Variants in PHLPP1 observed in about 807,000 individuals in gnomAD.
PHLPP1 encodes the protein PH domain and leucine rich repeat protein phosphatase 1.
In PHLPP1, 42 loss-of-function variants were observed where a neutral mutation model predicts 117.2. That is an observed-to-expected ratio of 0.36 (90% CI 0.28 to 0.46). The LOEUF is 0.46. Ranked by LOEUF, PHLPP1 falls within the 20% of genes least tolerant of loss-of-function variation. The pLI, the probability that PHLPP1 is intolerant of heterozygous loss-of-function variation, is 1.00. For missense variants in PHLPP1, 2,084 were observed against 2,241.9 expected (o/e 0.93, Z 1.42); for synonymous variants, 1,042 against 970.7 (o/e 1.07, Z -1.37).
intron 8 of PHLPP1, among the ~76,000 whole-genome samples, chr18:62,912,566 T>C (rs558760357): frequency 1.3e-4 from 20 of 149,400 alleles, no homozygotes; most frequent in African/African-American, 4.7e-4. Flanking sequence ...ATAGGAAGAG[T>C]ATAGGAATGG....
At chr18:62,923,304 A>G (rs1909532247) in intron 10 of PHLPP1, among the ~76,000 whole-genome samples, 1 of 152,186 alleles carries the variant, frequency 6.6e-6, no homozygotes, top group Non-Finnish European at 1.5e-5. Flanking sequence ...GAAGGGGCAA[A>G]TATCTTTGTT....
intron 3 of PHLPP1, among the ~76,000 whole-genome samples, chr18:62,852,333 A>AT (rs907123022): frequency 2.0e-5 from 3 of 151,928 alleles, no homozygotes; most frequent in Admixed American, 1.3e-4. Context: ...ATATGATGTA[A>AT]TTAATTTTTA....
chr18:62,970,518 A>C (rs510359), intron 14 of PHLPP1, among the ~76,000 whole-genome samples: 62,330 of 151,950 alleles, frequency 0.41, 13,002 homozygotes, highest in East Asian at 0.63. Flanking sequence ...TAATCCCAGC[A>C]CTTTGAGAGG....
chr18:62,901,570 C>T (rs1485288640), intron 6 of PHLPP1, among the ~76,000 whole-genome samples: 3 of 151,496 alleles, frequency 2.0e-5, no homozygotes, highest in Non-Finnish European at 4.4e-5. Context: ...CAGAAATTCA[C>T]TATAGAGAAA....
intron 1 of PHLPP1, among the ~76,000 whole-genome samples, chr18:62,734,483 A>G (rs777862263): frequency 2.6e-5 from 4 of 152,236 alleles, no homozygotes; most frequent in Non-Finnish European, 4.4e-5. Flanking sequence ...ATGACCTATT[A>G]TAAATTATTT....
intron 4 of PHLPP1, among the ~76,000 whole-genome samples, chr18:62,862,042 T>C (rs1359696927): frequency 1.3e-5 from 2 of 152,194 alleles, no homozygotes; most frequent in Admixed American, 1.3e-4. Flanking sequence ...TATTATGGAA[T>C]TTTAAGAATT....
chr18:62,794,044 T>A (rs1461681585), intron 1 of PHLPP1, among the ~76,000 whole-genome samples: 1 of 152,216 alleles, frequency 6.6e-6, no homozygotes, highest in Non-Finnish European at 1.5e-5. Context: ...GTTAAAGAAA[T>A]TAAACCAGCA....
intron 1 of PHLPP1, among the ~76,000 whole-genome samples, chr18:62,785,666 C>T (rs1207057076): frequency 6.6e-6 from 1 of 152,182 alleles, no homozygotes; most frequent in Non-Finnish European, 1.5e-5. Context: ...TTCTCCGCTG[C>T]CCACTGTGCT....
rs536610968 is a variant in PHLPP1, at chr18:62,912,631, T to C, written c.2709-2282T>C. ...CTTGAACAGTTCTTTTCTTTTTTTG[T>C]TTTTTTGAGATGGAGTCTCGCTCTG... On this transcript the variant is annotated intron_variant, in intron 8 of 16. Coordinates refer to ENST00000262719, the MANE Select transcript of PHLPP1 (RefSeq NM_194449.4). 6.6e-5 allele frequency among the ~76,000 whole-genome samples: 10 copies of C among 152,208 alleles called. No individual in the cohort carries two copies. The South Asian group carries it at 2.1e-3, about 32-fold the overall frequency.
chr18:62,829,936 A>AATT (rs1599070150), intron 1 of PHLPP1, 99 bp from the exon 2 acceptor site: 1 of 756,514 alleles, frequency 1.3e-6, no homozygotes, highest in East Asian at 2.8e-5. Context: ...TTTTCCCTTG[A>AATT]ATTATTCCCT....
At chr18:62,902,892 C>A in intron 6 of PHLPP1, 72 bp from the exon 7 acceptor site, 1 of 895,028 alleles carries the variant, frequency 1.1e-6, no homozygotes, top group Non-Finnish European at 1.8e-6. Flanking sequence ...CTCGCTATTT[C>A]TCATATTAGG....
In PHLPP1 at chr18:62,879,078, G is replaced by A. The variant is rs187377088; in HGVS notation, c.2067-15933G>A. 1.3e-4 allele frequency among the ~76,000 whole-genome samples: 20 copies of A among 152,250 alleles called. No homozygotes were observed. The East Asian group carries it at 3.5e-3, about 26-fold the overall frequency. ...TGAAATGCCTACATCAGAATCACCT[G>A]TAGTGTTTATTGGTGCTATGGTTTG... is the stretch of plus-strand genomic sequence containing the variant. On this transcript the variant is annotated intron_variant, in intron 4 of 16. Coordinates refer to ENST00000262719, the MANE Select transcript of PHLPP1 (RefSeq NM_194449.4).
chr18:62,801,231 C>T (rs1053516384), intron 1 of PHLPP1, among the ~76,000 whole-genome samples: 2 of 150,980 alleles, frequency 1.3e-5, no homozygotes, highest in African/African-American at 4.9e-5. Context: ...TTAGTAGAGA[C>T]GGGGTTTCAC....
At chr18:62,837,467 C>G (rs1163590371) in intron 2 of PHLPP1, among the ~76,000 whole-genome samples, 1 of 152,068 alleles carries the variant, frequency 6.6e-6, no homozygotes, top group East Asian at 1.9e-4. Context: ...TGTCTCTGCT[C>G]TCTTTTTCTT....
chr18:62,917,837 A>G (rs1209442415), intron 9 of PHLPP1, among the ~76,000 whole-genome samples: 1 of 151,746 alleles, frequency 6.6e-6, no homozygotes, highest in Non-Finnish European at 1.5e-5. Flanking sequence ...AGAAAAAAAA[A>G]AATTCAGGCA....
In PHLPP1 at chr18:62,895,969, A is replaced by C. The variant is rs749519972; in HGVS notation, c.2402A>C (p.Gln801Pro). The change falls in exon 6 of 17, where the codon CAG becomes CCG. Residue 801 changes from glutamine to proline, a missense_variant. By Grantham distance (76) the Gln-to-Pro change is moderately conservative (BLOSUM62 -1). Transcript: ENST00000262719. Reference sequence around the variant, plus strand: ...AACTGTGTGGAGACCCTTAGGCTACAGGCTTTAAGAAAAATGCCTCACATT... The same window carrying C: ...AACTGTGTGGAGACCCTTAGGCTACCGGCTTTAAGAAAAATGCCTCACATT... ...SGNCVETLRL[Q>P]ALRKMPHIKH... The C allele has an allele frequency of 6.2e-7, 1 of 1,613,686 alleles. No individual in the cohort carries two copies. Among genetic ancestry groups the C allele is most frequent in the Non-Finnish European group, 8.5e-7 (1 of 1,179,610 alleles).
At chr18:62,965,707 CCT>C in intron 14 of PHLPP1, among the ~76,000 whole-genome samples, 1 of 151,600 alleles carries the variant, frequency 6.6e-6, no homozygotes, top group East Asian at 1.9e-4. Flanking sequence ...GATCCACCTG[CCT>C]CAGCCTCCCA....
chr18:62,805,958 A>G (rs541048510), intron 1 of PHLPP1, among the ~76,000 whole-genome samples: 4 of 152,146 alleles, frequency 2.6e-5, no homozygotes, highest in African/African-American at 7.2e-5. Context: ...TCTCTTCTGC[A>G]TATAATTTTA....
At chr18:62,768,496 CAG>C (rs1194822488) in intron 1 of PHLPP1, among the ~76,000 whole-genome samples, 1 of 152,130 alleles carries the variant, frequency 6.6e-6, no homozygotes, top group Non-Finnish European at 1.5e-5. Context: ...CTGTAAACAA[CAG>C]AAACAGTACA....
Sources: gnomAD v4.1 joint callset for allele counts (sites outside exome capture counted in the v4.1 genomes callset) on GRCh38, gnomAD v4.1.1 for gene constraint, MANE v1.5 for transcripts, NCBI Gene and HGNC (gene_info 2026-07-23, HGNC 2026-07-21) for gene names.